FYCO1: variants seen among roughly 807,000 people sequenced by gnomAD.
FYCO1 encodes FYVE and coiled-coil domain autophagy adaptor 1.
FYCO1 carries 122 observed loss-of-function variants against 165.1 expected under a neutral mutation model. That is an observed-to-expected ratio of 0.74 (90% confidence interval 0.64 to 0.86). The LOEUF (loss-of-function observed/expected upper bound fraction) is 0.86, where lower values mean the gene tolerates loss of function less well. Among genes scored for constraint, FYCO1 ranks in the 40% least tolerant of loss-of-function variants. The pLI, the probability that FYCO1 is intolerant of heterozygous loss-of-function variation, is 0.00. For missense variants in FYCO1, 1,702 were observed against 1,810.3 expected (o/e 0.94, Z 1.09); for synonymous variants, 648 against 742.5 (o/e 0.87, Z 2.07).
At chr3:45,966,100 CAG>C (rs1705994694) in intron 8 of FYCO1, among the ~76,000 whole-genome samples, 175 bp downstream of exon 8, 1 of 152,218 alleles carries the variant, frequency 6.6e-6, no homozygotes, top group Non-Finnish European at 1.5e-5. Flanking sequence ...CATATTCCTG[CAG>C]AGAGAAAGAT....
intron 14 of FYCO1, chr3:45,940,840 T>G (rs987883863): frequency 2.0e-5 from 3 of 152,184 alleles, no homozygotes; most frequent in African/African-American, 7.2e-5. Flanking sequence ...CCATATGGAT[T>G]TGCTGCTGCT....
chr3:45,988,795 T>C (rs1267425426), intron 1 of FYCO1, among the ~76,000 whole-genome samples: 1 of 152,246 alleles, frequency 6.6e-6, no homozygotes, highest in Non-Finnish European at 1.5e-5. Context: ...TTTAAAATTC[T>C]TATTTTTCAC....
intron 2 of FYCO1, chr3:45,984,571 C>A: frequency 1.8e-6 from 1 of 553,952 alleles, no homozygotes; most frequent in Non-Finnish European, 3.2e-6. Context: ...CTTCAAAACA[C>A]ACATGTGTGC....
At chr3:45,945,555 G>A (rs1326884184) in intron 14 of FYCO1, 1 of 152,142 alleles carries the variant, frequency 6.6e-6, no homozygotes, top group Non-Finnish European at 1.5e-5. Context: ...ATTTCAATTG[G>A]GTTTTCTGCT....
chr3:45,946,646 ATC>A lies in FYCO1; in HGVS notation c.3944+8601_3944+8602del, dbSNP rs762151426. 4 of 1,614,154 alleles carry A rather than the reference ATC, an allele frequency of 2.5e-6. No individual in the cohort carries two copies. The South Asian group carries it at 4.4e-5, about 18-fold the overall frequency. On this transcript the variant is annotated intron_variant, in intron 14 of 17. Transcript: ENST00000296137. ...TGGGGAACTCTCTGGTGCTGGTCAT[ATC>A]CATCTTCTACCATAAGTTGCAGAGC...
intron 5 of FYCO1, 31 bp downstream of exon 5, chr3:45,975,208 A>G: frequency 6.9e-7 from 1 of 1,439,610 alleles, no homozygotes; most frequent in Non-Finnish European, 9.8e-7. Flanking sequence ...GCACGGGATG[A>G]TCCCAAACCC....
At chr3:45,978,915 G>A (rs186181000) in intron 4 of FYCO1, among the ~76,000 whole-genome samples, 5 of 148,456 alleles carry the variant, frequency 3.4e-5, no homozygotes, top group African/African-American at 1.2e-4. Context: ...GGAGTGCAGT[G>A]GCGCGATCTC....
chr3:45,931,140 A>G lies in FYCO1; in HGVS notation c.4182T>C (p.Ser1394=). Residue 1394 remains serine, a synonymous_variant, in exon 16 of 18, where the codon TCT becomes TCC. Coordinates refer to ENST00000296137, the MANE Select transcript of FYCO1 (RefSeq NM_024513.4). ...AGLTISWVFS[S]DPKSISFSVV... ...CACTGAAGGAGATGCTCTTGGGGTCAGAGGAGAAGACCCAGCTGATGGTGA... is the reference window on the plus strand; with the variant it reads ...CACTGAAGGAGATGCTCTTGGGGTCGGAGGAGAAGACCCAGCTGATGGTGA... 6.2e-7 allele frequency: 1 copy of G among 1,614,032 alleles called. No homozygotes were observed. The highest frequency in any genetic ancestry group is 8.5e-7 in the Non-Finnish European group (1 of 1,179,934).
At chr3:45,937,730 C>T (rs928869773) in intron 14 of FYCO1, among the ~76,000 whole-genome samples, 11 of 152,244 alleles carry the variant, frequency 7.2e-5, no homozygotes, top group Admixed American at 7.2e-4. Context: ...GCACCTGCTG[C>T]CACCAGGGGC....
At position 45,921,902 on chromosome 3, in the gene FYCO1, A is replaced by T. The variant is rs571308302; in HGVS notation, c.4362-62T>A. On this transcript the variant is annotated intron_variant, in intron 17 of 17. Transcript: ENST00000296137. ...GAGAGCTGAAAGTCCGAGGGGTGGC[A>T]GCTGCTGCTGAGGCCTCTGTGGTCA... 3 of 1,094,276 alleles carry T rather than the reference A, an allele frequency of 2.7e-6. No individual in the cohort carries two copies. In the East Asian group the frequency reaches 7.3e-5, roughly 27 times the overall value. 67.8% of individuals were successfully genotyped at this position (1,094,276 alleles called of 1,614,324 possible).
chr3:45,976,195 CA>C (rs1463230954), intron 4 of FYCO1, among the ~76,000 whole-genome samples: 1 of 152,168 alleles, frequency 6.6e-6, no homozygotes, highest in East Asian at 1.9e-4. Flanking sequence ...AACCTCTCCC[CA>C]CAGAGCTTAT....
chr3:45,954,344 C>G (rs1379786235), intron 14 of FYCO1, among the ~76,000 whole-genome samples: 1 of 152,184 alleles, frequency 6.6e-6, no homozygotes, highest in East Asian at 1.9e-4. Context: ...CACCCCTGCT[C>G]TGATGCGTTC....
At chr3:45,959,632 T>C in intron 11 of FYCO1, 90 bp from the exon 12 acceptor site, 1 of 1,384,012 alleles carries the variant, frequency 7.2e-7, no homozygotes, top group South Asian at 1.2e-5. Context: ...TGGTATCAAA[T>C]TTCCTAAGTC....
chr3:45,959,611 T>A, intron 11 of FYCO1, 69 bp from the exon 12 acceptor site: 1 of 1,508,722 alleles, frequency 6.6e-7, no homozygotes, highest in South Asian at 1.2e-5. Flanking sequence ...TCCTTCTTCA[T>A]TTCAAAAGAC....
chr3:45,968,482 T>C lies in FYCO1; in HGVS notation c.852A>G (p.Ala284=), dbSNP rs1706233442. ...AAGTGAGGCGAACGTTGTCCTCCGC[T>C]GCAGTGCGCCCCCTCTCCCTCTCTG... The part of the protein sequence containing the change: ...LQTERERGRT[A]AEDNVRLTCL... Residue 284 remains alanine, a synonymous_variant, in exon 8 of 18, where the codon GCA becomes GCG. Transcript: ENST00000296137. 3 of 1,614,088 alleles carry C rather than the reference T, an allele frequency of 1.9e-6. 1 individual carries two copies. Among genetic ancestry groups the C allele is most frequent in the Non-Finnish European group, 2.5e-6 (3 of 1,180,048 alleles).
At chr3:45,923,243 GTTCA>G (rs754858489) in intron 17 of FYCO1, among the ~76,000 whole-genome samples, 10 of 152,104 alleles carry the variant, frequency 6.6e-5, no homozygotes, top group Non-Finnish European at 1.5e-4. Flanking sequence ...TCCCTTTCTC[GTTCA>G]TTCATTCATT....
intron 5 of FYCO1, among the ~76,000 whole-genome samples, chr3:45,973,535 G>A (rs1354301670): frequency 2.6e-5 from 4 of 152,130 alleles, no homozygotes; most frequent in Non-Finnish European, 4.4e-5. Flanking sequence ...GGGAATTGTA[G>A]GAGAAAGAAA....
Position 45,967,734 on chromosome 3 carries a change from C to T in FYCO1, c.1600G>A (p.Glu534Lys). The change falls in exon 8 of 18, where the codon GAG becomes AAG. Residue 534 changes from glutamate to lysine, a missense_variant. Coordinates refer to ENST00000296137, the MANE Select transcript of FYCO1 (RefSeq NM_024513.4). ...QVSQHVSDLE[E>K]QKKQLIQDKD... ...TCCTGAATGAGCTGCTTCTTCTGCTCCTCCAGGTCACTCACATGTTGGCTC... is the reference window on the plus strand; with the variant it reads ...TCCTGAATGAGCTGCTTCTTCTGCTTCTCCAGGTCACTCACATGTTGGCTC... 1 of 1,613,268 alleles carries T rather than the reference C, an allele frequency of 6.2e-7. No homozygotes were observed. The highest frequency in any genetic ancestry group is 8.5e-7 in the Non-Finnish European group (1 of 1,180,032).
At chr3:45,955,483 C>A in intron 13 of FYCO1, 90 bp from the exon 14 acceptor site, 1 of 1,411,654 alleles carries the variant, frequency 7.1e-7, no homozygotes, top group Non-Finnish European at 1.0e-6. Flanking sequence ...TGAGAGAGTG[C>A]AGCTATGCAG....
Sources: allele counts gnomAD v4.1 joint callset (sites outside exome capture counted in the v4.1 genomes callset), GRCh38; gene constraint gnomAD v4.1.1; transcripts MANE v1.5; gene names NCBI Gene and HGNC (gene_info 2026-07-23, HGNC 2026-07-21).